TEX9: variants seen among roughly 807,000 people sequenced by gnomAD.
TEX9 encodes the protein testis expressed 9.
A neutral mutation model predicts 59.6 loss-of-function variants in TEX9; 74 were observed. The observed-to-expected ratio is 1.24, with a 90% confidence interval of 1.03 to 1.51. The LOEUF is 1.51. TEX9 is among the 40% of genes most tolerant of loss of function. TEX9 has a pLI of 0.00. For missense variants in TEX9, 522 were observed against 447.8 expected, an observed-to-expected ratio of 1.17 and a Z score of -1.49; for synonymous variants, 186 against 152.2, an observed-to-expected ratio of 1.22 and a Z score of -1.64.
At chr15:56,360,063 TG>T (rs1211682926) in intron 1 of TEX9, among the ~76,000 whole-genome samples, 15 of 152,200 alleles carry the variant, frequency 9.9e-5, no homozygotes, top group African/African-American at 3.4e-4. Context: ...GAACCATCCT[TG>T]TATACTGAGA....
At chr15:56,269,579 C>T (rs1407418512) in intron 1 of TEX9, among the ~76,000 whole-genome samples, 1 of 151,928 alleles carries the variant, frequency 6.6e-6, no homozygotes, top group African/African-American at 2.4e-5. Context: ...TTGTTATTTG[C>T]CCGGTGGTCA....
intron 9 of TEX9, among the ~76,000 whole-genome samples, chr15:56,403,238 A>C (rs1416068302): frequency 6.6e-6 from 1 of 152,248 alleles, no homozygotes; most frequent in Admixed American, 6.5e-5. Flanking sequence ...AGAAAACCCC[A>C]TCGTCTCAGC....
chr15:56,380,789 A>G (rs2047690403), intron 3 of TEX9, among the ~76,000 whole-genome samples: 1 of 151,996 alleles, frequency 6.6e-6, no homozygotes. Flanking sequence ...CTGCTGCTAG[A>G]TGTATTGGAG....
At chr15:56,447,795 G>GT (rs2050918383), downstream of TEX9, 2 of 152,032 alleles carry the variant, frequency 1.3e-5, no homozygotes, top group Non-Finnish European at 2.9e-5. Context: ...TAAACCTGTG[G>GT]TACCTCTCTT....
At chr15:56,424,452 A>G (rs571293351) in intron 10 of TEX9, among the ~76,000 whole-genome samples, 12 of 152,104 alleles carry the variant, frequency 7.9e-5, no homozygotes, top group African/African-American at 2.2e-4. Context: ...CTTCCATTCA[A>G]TTTATTTTGG....
intron 2 of TEX9, among the ~76,000 whole-genome samples, chr15:56,371,605 C>G (rs1043216231): frequency 3.3e-5 from 5 of 151,772 alleles, no homozygotes; most frequent in Non-Finnish European, 5.9e-5. Flanking sequence ...AATTTGTTAC[C>G]TTTCTGAAGT....
chr15:56,298,138 T>A (rs2045260069), intron 1 of TEX9, among the ~76,000 whole-genome samples: 1 of 152,252 alleles, frequency 6.6e-6, no homozygotes, highest in African/African-American at 2.4e-5. Context: ...TAATTTATTT[T>A]ATTTATACTA....
At chr15:56,245,811 G>A (rs1340151986) in intron 1 of TEX9, among the ~76,000 whole-genome samples, 1 of 152,306 alleles carries the variant, frequency 6.6e-6, no homozygotes, top group South Asian at 2.1e-4. Context: ...TAATTCCAGA[G>A]CCTGCAAGCT....
chr15:56,456,302 TAAAC>T, the TEX9 span: 48 of 1,218,710 alleles, frequency 3.9e-5, no homozygotes, highest in South Asian at 1.8e-5. Context: ...TGAAATGACA[TAAAC>T]AAAGAAATTT....
intron 3 of TEX9, among the ~76,000 whole-genome samples, 156 bp downstream of exon 3, chr15:56,373,660 T>C (rs1246516352): frequency 6.6e-6 from 1 of 152,190 alleles, no homozygotes; most frequent in Non-Finnish European, 1.5e-5. Flanking sequence ...TGCATAGGTA[T>C]AGGAATGTAT....
intron 1 of TEX9, among the ~76,000 whole-genome samples, chr15:56,253,663 G>T (rs1195967956): frequency 1.3e-5 from 2 of 152,090 alleles, no homozygotes; most frequent in African/African-American, 2.4e-5. Flanking sequence ...CTACTCAGCA[G>T]TCAGGAATTG....
chr15:56,404,650 A>C (rs1217459569), intron 9 of TEX9, among the ~76,000 whole-genome samples: 1 of 152,212 alleles, frequency 6.6e-6, no homozygotes, highest in Non-Finnish European at 1.5e-5. Flanking sequence ...CCCAAAGATT[A>C]TAAATCATGC....
At chr15:56,321,701 T>C (rs1330867566) in intron 1 of TEX9, among the ~76,000 whole-genome samples, 1 of 152,186 alleles carries the variant, frequency 6.6e-6, no homozygotes, top group Admixed American at 6.5e-5. Flanking sequence ...CACATTCCCA[T>C]TAAAGCTTAT....
intron 1 of TEX9, among the ~76,000 whole-genome samples, chr15:56,349,809 G>A (rs750996802): frequency 1.1e-4 from 16 of 151,332 alleles, no homozygotes; most frequent in East Asian, 1.9e-4. Context: ...ATGTGTGTGC[G>A]TGTGTGTGTG....
intron 10 of TEX9, among the ~76,000 whole-genome samples, chr15:56,424,650 C>T (rs527842340): frequency 6.6e-6 from 1 of 152,230 alleles, no homozygotes; most frequent in South Asian, 2.1e-4. Context: ...TCAGCCCCTG[C>T]CCTACCTTGT....
rs60361737 is a variant in TEX9, at chr15:56,300,708, G to GGAGAGAGAGA, written c.-107+56459_-107+56468dup. On this transcript the variant is annotated intron_variant, in intron 1 of 5. Transcript: ENST00000560827. ...AGCAGAGAGAGAGAGAGAGAGAGAGGGAGAGAGAGAGAGAGAGAGAGAGAG... is the reference window on the plus strand; with the variant it reads ...AGCAGAGAGAGAGAGAGAGAGAGAGGGAGAGAGAGAGAGAGAGAGAGAGAGAGAGAGAGAG... Among the ~76,000 whole-genome samples the GGAGAGAGAGA allele has an allele frequency of 2.2e-3, 226 of 102,686 alleles. 4 individuals are homozygous for GGAGAGAGAGA. Among genetic ancestry groups the GGAGAGAGAGA allele is most frequent in the African/African-American group, 7.7e-3 (195 of 25,332 alleles). 67.4% of individuals were successfully genotyped at this position (102,686 alleles called of 152,430 possible). A position where few individuals can be genotyped will look rare whatever the true frequency, so the allele number is the denominator to read the frequency against.
intron 1 of TEX9, among the ~76,000 whole-genome samples, chr15:56,354,875 T>A (rs1472419130): frequency 8.5e-5 from 13 of 152,180 alleles, no homozygotes; most frequent in African/African-American, 2.9e-4. Context: ...CATGGATGAC[T>A]CTTAGTCAAA....
intron 1 of TEX9, among the ~76,000 whole-genome samples, chr15:56,253,846 G>T (rs1365044297): frequency 2.0e-5 from 3 of 151,946 alleles, no homozygotes; most frequent in African/African-American, 4.8e-5. Context: ...AAAAAAAATG[G>T]AATAGACTAC....
chr15:56,420,846 T>C (rs1212570112), intron 10 of TEX9, among the ~76,000 whole-genome samples: 1 of 151,990 alleles, frequency 6.6e-6, no homozygotes, highest in Non-Finnish European at 1.5e-5. Flanking sequence ...TTTCAAATAC[T>C]TAGGGATTTT....
Sources: allele counts gnomAD v4.1 joint callset (sites outside exome capture counted in the v4.1 genomes callset), GRCh38; gene constraint gnomAD v4.1.1; transcripts MANE v1.5; gene names NCBI Gene and HGNC (gene_info 2026-07-23, HGNC 2026-07-21).